Variants in ARMH3 observed in about 807,000 individuals in gnomAD.
ARMH3 encodes the protein armadillo-like helical domain-containing protein 3.
A neutral mutation model predicts 99.1 loss-of-function variants in ARMH3; 60 were observed. The ratio of observed to expected loss-of-function variants is 0.61; its 90% CI spans 0.49 to 0.75. The LOEUF is 0.75. Among genes scored for constraint, ARMH3 ranks in the 30% least tolerant of loss-of-function variants. ARMH3 has a pLI of 0.00. For synonymous variants in ARMH3, 285 were observed against 292.8 expected (o/e 0.97, Z 0.27); for missense variants, 679 against 843.1 (o/e 0.81, Z 2.41).
intron 19 of ARMH3, among the ~76,000 whole-genome samples, chr10:101,977,044 A>G (rs1212887003): frequency 6.6e-6 from 1 of 152,194 alleles, no homozygotes; most frequent in Non-Finnish European, 1.5e-5. Context: ...TAAAAGTTAA[A>G]TTAAAAATGC....
chr10:102,046,774 G>A (rs2067563938), intron 1 of ARMH3, among the ~76,000 whole-genome samples: 1 of 152,152 alleles, frequency 6.6e-6, no homozygotes, highest in African/African-American at 2.4e-5. Context: ...ATCTCAAAAG[G>A]CAGAGGAATG....
At chr10:101,980,319 G>A (rs905601353) in intron 19 of ARMH3, among the ~76,000 whole-genome samples, 12 of 152,054 alleles carry the variant, frequency 7.9e-5, no homozygotes, top group Non-Finnish European at 1.8e-4. Context: ...TTGTTTTTGA[G>A]ATAGAGTCTC....
chr10:102,004,630 CAT>C (rs140986182), intron 14 of ARMH3, among the ~76,000 whole-genome samples: 7 of 151,132 alleles, frequency 4.6e-5, no homozygotes, highest in African/African-American at 1.5e-4. Context: ...ACATGGAACT[CAT>C]ATATATATAT....
chr10:101,904,680 A>G (rs1353141008), intron 23 of ARMH3, among the ~76,000 whole-genome samples: 2 of 151,920 alleles, frequency 1.3e-5, no homozygotes, highest in Non-Finnish European at 2.9e-5. Context: ...TTGGCTGGGC[A>G]TGGTGGCTCA....
In ARMH3 at chr10:101,913,780, C is replaced by T. The variant is rs560334932; in HGVS notation, c.1782-24290G>A. Among the ~76,000 whole-genome samples the T allele has an allele frequency of 1.3e-4, 20 of 152,300 alleles. No homozygotes were observed. The South Asian group carries it at 3.9e-3, about 30-fold the overall frequency. On this transcript the variant is annotated intron_variant, in intron 23 of 25. Coordinates refer to ENST00000370033, the MANE Select transcript of ARMH3 (RefSeq NM_024541.3). Reference sequence around the variant, plus strand: ...CCCCTCCTTCCCGGAGCTGCCATGACTGCACAAAAGGGAGGGAACACTTCA... The same window carrying T: ...CCCCTCCTTCCCGGAGCTGCCATGATTGCACAAAAGGGAGGGAACACTTCA...
chr10:102,006,442 T>C, intron 14 of ARMH3, 98 bp downstream of exon 14: 3 of 1,365,064 alleles, frequency 2.2e-6, no homozygotes, highest in Non-Finnish European at 3.1e-6. Context: ...GTGGGAAAAA[T>C]TAACAACTAC....
intron 19 of ARMH3, among the ~76,000 whole-genome samples, chr10:101,983,469 CA>C (rs1846321148): frequency 1.3e-5 from 2 of 152,202 alleles, no homozygotes; most frequent in South Asian, 4.2e-4. Flanking sequence ...GACAAGGTGT[CA>C]CCAAGTTGCT....
At chr10:101,989,447 G>A (rs114012379) in intron 19 of ARMH3, among the ~76,000 whole-genome samples, 2 of 152,280 alleles carry the variant, frequency 1.3e-5, no homozygotes, top group African/African-American at 4.8e-5. Context: ...TCGGCCAGGT[G>A]TGGTGGCTCA....
intron 2 of ARMH3, among the ~76,000 whole-genome samples, chr10:102,036,915 G>A (rs2067291487): frequency 6.6e-6 from 1 of 151,128 alleles, no homozygotes; most frequent in African/African-American, 2.4e-5. Flanking sequence ...AGCCAGGCAT[G>A]GTGGCATGCG....
At chr10:101,867,084 T>C (rs2135346269) in intron 24 of ARMH3, among the ~76,000 whole-genome samples, 1 of 152,370 alleles carries the variant, frequency 6.6e-6, no homozygotes, top group East Asian at 1.9e-4. Flanking sequence ...ATTGGGTTTA[T>C]GATGAGGAGT....
Position 101,975,314 on chromosome 10 carries a change from A to T in ARMH3, c.1407-14T>A. ...TGGATGCAGCGTCTGTAACAGGGAA[A>T]GCAAAAAATGAGGGTAAGCCTGAGA... On this transcript the variant is annotated splice_polypyrimidine_tract_variant and intron_variant, in intron 19 of 25. Transcript: ENST00000370033. 2 of 1,606,324 alleles carry T rather than the reference A, an allele frequency of 1.2e-6. No homozygotes were observed. The highest frequency in any genetic ancestry group is 1.7e-6 in the Non-Finnish European group (2 of 1,173,828).
intron 19 of ARMH3, among the ~76,000 whole-genome samples, chr10:101,986,584 A>C (rs1335661463): frequency 1.3e-5 from 2 of 151,928 alleles, no homozygotes; most frequent in African/African-American, 4.8e-5. Flanking sequence ...ATATTTCTTC[A>C]TATTTCACTA....
At chr10:101,916,885 T>C (rs1281300879) in intron 23 of ARMH3, among the ~76,000 whole-genome samples, 4 of 152,198 alleles carry the variant, frequency 2.6e-5, no homozygotes. Flanking sequence ...TCTCTTGCCC[T>C]TAGACATCAG....
intron 22 of ARMH3, among the ~76,000 whole-genome samples, chr10:101,956,236 G>A (rs12267209): frequency 0.01 from 1,561 of 152,174 alleles, 28 homozygotes; most frequent in African/African-American, 0.032. Context: ...CTGGACATCC[G>A]CAAATTACAC....
intron 22 of ARMH3, among the ~76,000 whole-genome samples, chr10:101,944,476 T>C (rs1265251047): frequency 1.3e-5 from 2 of 151,602 alleles, no homozygotes; most frequent in African/African-American, 2.4e-5. Context: ...CCAAGGCATG[T>C]GATAATCATA....
intron 17 of ARMH3, among the ~76,000 whole-genome samples, chr10:101,992,577 GCT>G (rs1454084917): frequency 6.6e-6 from 1 of 151,032 alleles, no homozygotes; most frequent in African/African-American, 2.4e-5. Flanking sequence ...CTCACTGCAA[GCT>G]CTGTCTCCTG....
intron 1 of ARMH3, among the ~76,000 whole-genome samples, chr10:102,044,484 C>T (rs1290108827): frequency 6.6e-6 from 1 of 151,934 alleles, no homozygotes; most frequent in Non-Finnish European, 1.5e-5. Flanking sequence ...CATCCTCTCG[C>T]TTCAGCCTCC....
chr10:101,975,049 TAAA>T (rs11399489), intron 20 of ARMH3, among the ~76,000 whole-genome samples, 160 bp downstream of exon 20: 6 of 29,668 alleles, frequency 2.0e-4, no homozygotes, highest in Non-Finnish European at 3.0e-4. Context: ...AGCTAAAACG[TAAA>T]AAAAAAAAAA....
intron 19 of ARMH3, among the ~76,000 whole-genome samples, chr10:101,975,694 T>A (rs186394777): frequency 6.7e-6 from 1 of 149,430 alleles, no homozygotes; most frequent in African/African-American, 2.5e-5. Flanking sequence ...TGAAACCCCA[T>A]CTCTACTAAA....
Sources: allele counts gnomAD v4.1 joint callset (sites outside exome capture counted in the v4.1 genomes callset), GRCh38; gene constraint gnomAD v4.1.1; transcripts MANE v1.5; gene names NCBI Gene and HGNC (gene_info 2026-07-23, HGNC 2026-07-21).